PCDH9: variants seen among roughly 807,000 people sequenced by gnomAD.
PCDH9 encodes the protein protocadherin-9.
Under a neutral mutation model 70.6 loss-of-function variants are expected in PCDH9, and 24 were observed. That is an observed-to-expected ratio of 0.34 (90% CI 0.25 to 0.48). The LOEUF (loss-of-function observed/expected upper bound fraction) is 0.48. Among genes scored for constraint, PCDH9 ranks in the 20% least tolerant of loss-of-function variants. The pLI is 0.99. For synonymous variants in PCDH9, 562 were observed against 558.5 expected, an observed-to-expected ratio of 1.01 and a Z score of -0.09; for missense variants, 1,281 against 1,503.6, an observed-to-expected ratio of 0.85 and a Z score of 2.45.
chr13:66,444,899 T>C (rs1958042062), intron 4 of PCDH9, among the ~76,000 whole-genome samples: 1 of 151,852 alleles, frequency 6.6e-6, no homozygotes, highest in Admixed American at 6.6e-5. Context: ...CCAAGAGCAG[T>C]ATCAATGAGA....
chr13:66,820,837 T>TGC (rs1378788757), intron 3 of PCDH9, among the ~76,000 whole-genome samples: 4 of 152,088 alleles, frequency 2.6e-5, no homozygotes, highest in Admixed American at 2.6e-4. Flanking sequence ...AGGGCCTGTT[T>TGC]GAGGGTGGAG....
intron 4 of PCDH9, among the ~76,000 whole-genome samples, chr13:66,487,328 A>T (rs892314203): frequency 6.6e-6 from 1 of 152,230 alleles, no homozygotes; most frequent in African/African-American, 2.4e-5. Context: ...TCAAAGCATT[A>T]TCTAAGTCTG....
At chr13:66,495,128 ACTCT>A (rs1465912905) in intron 4 of PCDH9, among the ~76,000 whole-genome samples, 2 of 152,110 alleles carry the variant, frequency 1.3e-5, no homozygotes, top group Non-Finnish European at 2.9e-5. Flanking sequence ...TTATTAAACA[ACTCT>A]CTCTATGGTT....
At chr13:66,319,434 C>T (rs937262267) in intron 4 of PCDH9, among the ~76,000 whole-genome samples, 2 of 150,844 alleles carry the variant, frequency 1.3e-5, no homozygotes, top group Non-Finnish European at 2.9e-5. Flanking sequence ...AGGCATTTAT[C>T]AAATCACAAT....
chr13:67,115,804 T>C (rs990709965), intron 2 of PCDH9, among the ~76,000 whole-genome samples: 4 of 152,158 alleles, frequency 2.6e-5, no homozygotes, highest in African/African-American at 9.7e-5. Flanking sequence ...ACTGGTTTCT[T>C]CATTAATTAA....
chr13:66,543,602 C>G (rs572358259), intron 4 of PCDH9, among the ~76,000 whole-genome samples: 49 of 151,842 alleles, frequency 3.2e-4, no homozygotes, highest in Admixed American at 2.6e-3. Flanking sequence ...AAAATTTAAT[C>G]TGTTCAGTTA....
intron 2 of PCDH9, among the ~76,000 whole-genome samples, chr13:67,039,274 A>C (rs1185919901): frequency 6.6e-6 from 1 of 152,192 alleles, no homozygotes; most frequent in Non-Finnish European, 1.5e-5. Flanking sequence ...AGGTGAACCC[A>C]AAATGCAACC....
chr13:66,727,833 G>A (rs75943321), intron 3 of PCDH9, among the ~76,000 whole-genome samples: 106 of 152,158 alleles, frequency 7.0e-4, no homozygotes, highest in Non-Finnish European at 9.3e-4. Context: ...CAGTATTGAA[G>A]AATATCATAT....
rs763855289 is a variant in PCDH9, at chr13:67,155,858, C to T, written c.3036+69547G>A. On this transcript the variant is annotated intron_variant, in intron 2 of 4. Coordinates refer to ENST00000377865, the MANE Select transcript of PCDH9 (RefSeq NM_203487.3). ...TTAGGTGTCTAAATTCTATTCATACCTTAGAAACCCAACTCAAATATTAAC... is the reference window on the plus strand; with the variant it reads ...TTAGGTGTCTAAATTCTATTCATACTTTAGAAACCCAACTCAAATATTAAC... Among the ~76,000 whole-genome samples, 4 of 151,970 alleles carry T rather than the reference C, an allele frequency of 2.6e-5. 1 individual carries two copies. The highest frequency in any genetic ancestry group is 5.9e-5 in the Non-Finnish European group (4 of 68,012).
At chr13:67,187,481 C>T (rs1272956698) in intron 2 of PCDH9, among the ~76,000 whole-genome samples, 1 of 152,100 alleles carries the variant, frequency 6.6e-6, no homozygotes, top group Admixed American at 6.6e-5. Flanking sequence ...CTTCTAACAT[C>T]TTTAAATGGT....
chr13:66,623,966 T>G (rs1176979712), intron 4 of PCDH9, among the ~76,000 whole-genome samples: 2 of 152,276 alleles, frequency 1.3e-5, no homozygotes, highest in African/African-American at 4.8e-5. Context: ...CTAGATAAAG[T>G]CAGAGGCACA....
chr13:66,748,397 C>T (rs2079405957), intron 3 of PCDH9, among the ~76,000 whole-genome samples: 1 of 151,988 alleles, frequency 6.6e-6, no homozygotes, highest in African/African-American at 2.4e-5. Context: ...TAAACCACAC[C>T]AAATCAAAAA....
At chr13:67,023,055 C>T (rs2084710061) in intron 2 of PCDH9, among the ~76,000 whole-genome samples, 1 of 152,178 alleles carries the variant, frequency 6.6e-6, no homozygotes, top group African/African-American at 2.4e-5. Context: ...TCTTTCAGCT[C>T]TTACTTCCAA....
At chr13:67,015,793 A>T (rs984933090) in intron 2 of PCDH9, among the ~76,000 whole-genome samples, 2 of 152,128 alleles carry the variant, frequency 1.3e-5, no homozygotes, top group African/African-American at 4.8e-5. Context: ...ACCCAAGGAA[A>T]AGTAATCTCT....
At chr13:66,622,626 A>T (rs936691857) in intron 4 of PCDH9, among the ~76,000 whole-genome samples, 1 of 151,940 alleles carries the variant, frequency 6.6e-6, no homozygotes, top group Non-Finnish European at 1.5e-5. Context: ...TATCTAGCTA[A>T]TCTGGTGGCC....
chr13:66,631,721 G>C (rs1566469426), intron 3 of PCDH9, among the ~76,000 whole-genome samples: 2 of 151,958 alleles, frequency 1.3e-5, no homozygotes, highest in Non-Finnish European at 2.9e-5. Context: ...CAAAATTACA[G>C]AAAAAAATTA....
intron 2 of PCDH9, chr13:67,213,471 G>A (rs1040561296): frequency 6.6e-6 from 1 of 151,958 alleles, no homozygotes; most frequent in Non-Finnish European, 1.5e-5. Context: ...TTAGGTCCAT[G>A]TCTGCCTATG....
rs1460472184 is a variant in PCDH9, at chr13:67,058,857, T to C, written c.3037-155252A>G. 3.9e-5 allele frequency among the ~76,000 whole-genome samples: 6 copies of C among 152,242 alleles called. 1 individual carries two copies. Among genetic ancestry groups the C allele is most frequent in the South Asian group, 4.1e-4 (2 of 4,824 alleles). On this transcript the variant is annotated intron_variant, in intron 2 of 4. Coordinates refer to ENST00000377865, the MANE Select transcript of PCDH9 (RefSeq NM_203487.3). ...ACTGCAAATATATGCTTTCTAATAA[T>C]TGTAAACACATGTACTCTCCTTGTT...
At chr13:66,420,457 T>C (rs1469827535) in intron 4 of PCDH9, among the ~76,000 whole-genome samples, 1 of 152,166 alleles carries the variant, frequency 6.6e-6, no homozygotes, top group Non-Finnish European at 1.5e-5. Context: ...CCCTCTGTGA[T>C]GAAGCTTGAT....
Sources: gnomAD v4.1 joint callset for allele counts (sites outside exome capture counted in the v4.1 genomes callset) on GRCh38, gnomAD v4.1.1 for gene constraint, MANE v1.5 for transcripts, NCBI Gene and HGNC (gene_info 2026-07-23, HGNC 2026-07-21) for gene names.